Variants in RFX3 observed in about 807,000 individuals in gnomAD.
The protein encoded by RFX3 is transcription factor RFX3.
A neutral mutation model predicts 98.6 loss-of-function variants in RFX3; 14 were observed. The observed-to-expected ratio is 0.14, with a 90% CI of 0.09 to 0.22. The LOEUF (loss-of-function observed/expected upper bound fraction) is 0.22, where lower values mean the gene tolerates loss of function less well. Among genes scored for constraint, RFX3 ranks in the 10% least tolerant of loss-of-function variants. The pLI is 1.00. For missense variants in RFX3, 639 were observed against 926.9 expected (o/e 0.69, Z 4.03); for synonymous variants, 383 against 328.4 (o/e 1.17, Z -1.80).
intron 1 of RFX3, among the ~76,000 whole-genome samples, chr9:3,414,965 T>C (rs569426699): frequency 5.9e-5 from 8 of 135,578 alleles, no homozygotes; most frequent in African/African-American, 1.6e-4. Context: ...TGTGTATATA[T>C]TCATATATAC....
At chr9:3,370,322 G>A (rs1213656536) in intron 2 of RFX3, among the ~76,000 whole-genome samples, 1 of 151,664 alleles carries the variant, frequency 6.6e-6, no homozygotes, top group Non-Finnish European at 1.5e-5. Context: ...AAAGTAAGTA[G>A]TTTTGGAAAT....
At chr9:3,292,376 A>G (rs1364992189) in intron 6 of RFX3, among the ~76,000 whole-genome samples, 1 of 152,160 alleles carries the variant, frequency 6.6e-6, no homozygotes, top group Non-Finnish European at 1.5e-5. Flanking sequence ...TTTCCAAAGG[A>G]AGAAAAACCA....
At chr9:3,395,365 C>T in intron 2 of RFX3, 107 bp downstream of exon 2, 1 of 1,276,700 alleles carries the variant, frequency 7.8e-7, no homozygotes, top group African/African-American at 1.5e-5. Context: ...TGAAGTATGC[C>T]TATCATAGCA....
At chr9:3,238,900 G>A (rs572624603) in intron 15 of RFX3, among the ~76,000 whole-genome samples, 2 of 152,014 alleles carry the variant, frequency 1.3e-5, no homozygotes, top group Non-Finnish European at 2.9e-5. Context: ...GGCTGAGGCA[G>A]GAGAATCGCT....
At chr9:3,445,311 A>G (rs1845952143) in intron 1 of RFX3, among the ~76,000 whole-genome samples, 1 of 152,208 alleles carries the variant, frequency 6.6e-6, no homozygotes, top group African/African-American at 2.4e-5. Context: ...TTAAGAGTTC[A>G]ATGCATAATA....
At chr9:3,485,308 A>G (rs527955478) in intron 1 of RFX3, among the ~76,000 whole-genome samples, 1 of 152,202 alleles carries the variant, frequency 6.6e-6, no homozygotes, top group Non-Finnish European at 1.5e-5. Context: ...TTACTTCTGA[A>G]GCACTATTCT....
At chr9:3,506,422 G>C (rs1320570753) in intron 1 of RFX3, among the ~76,000 whole-genome samples, 1 of 151,674 alleles carries the variant, frequency 6.6e-6, no homozygotes, top group Non-Finnish European at 1.5e-5. Flanking sequence ...CATCCCAGCA[G>C]GCACAGTAAA....
intron 6 of RFX3, among the ~76,000 whole-genome samples, chr9:3,291,448 G>C (rs1000784242): frequency 2.0e-5 from 3 of 151,782 alleles, no homozygotes; most frequent in African/African-American, 7.3e-5. Context: ...ACCTTGCTGA[G>C]TTTCCCCCAG....
At position 3,330,322 on chromosome 9, in the gene RFX3, G is replaced by A. The variant is rs376312672; in HGVS notation, c.411C>T (p.Ile137=). 1.1e-5 allele frequency: 17 copies of A among 1,613,982 alleles called. No individual in the cohort carries two copies. The highest frequency in any genetic ancestry group is 4.5e-5 in the East Asian group (2 of 44,880). Residue 137 remains isoleucine, a synonymous_variant, in exon 4 of 17, where the codon ATC becomes ATT. Transcript: ENST00000617270. ...LISSSGGTYL[I]GNSMENSGHS... Reference sequence around the variant, plus strand: ...GACCAGAATTCTCCATTGAGTTGCCGATCAGATAGGTTCCTCCAGAGCTGC... The same window carrying A: ...GACCAGAATTCTCCATTGAGTTGCCAATCAGATAGGTTCCTCCAGAGCTGC...
intron 1 of RFX3, among the ~76,000 whole-genome samples, chr9:3,473,360 A>C (rs4008948): frequency 0.32 from 48,845 of 152,032 alleles, 11,900 homozygotes; most frequent in East Asian, 0.71. Flanking sequence ...ACAATACTGA[A>C]CTGAGAGATC....
chr9:3,446,877 T>G (rs1051116148), intron 1 of RFX3, among the ~76,000 whole-genome samples: 1 of 152,046 alleles, frequency 6.6e-6, no homozygotes, highest in Non-Finnish European at 1.5e-5. Context: ...TAGAACTAAT[T>G]CTTTTTAAAA....
intron 4 of RFX3, among the ~76,000 whole-genome samples, chr9:3,326,189 T>G (rs1831894886): frequency 6.6e-6 from 1 of 152,072 alleles, no homozygotes; most frequent in Non-Finnish European, 1.5e-5. Context: ...TATATATAAT[T>G]ATACACACAT....
At chr9:3,513,100 T>C (rs976416608) in intron 1 of RFX3, among the ~76,000 whole-genome samples, 1 of 152,088 alleles carries the variant, frequency 6.6e-6, no homozygotes, top group Non-Finnish European at 1.5e-5. Flanking sequence ...TTAACCAAAA[T>C]AGTACTGCAC....
chr9:3,386,704 T>C (rs1206091466), intron 2 of RFX3, among the ~76,000 whole-genome samples: 1 of 152,114 alleles, frequency 6.6e-6, no homozygotes, highest in Non-Finnish European at 1.5e-5. Flanking sequence ...TAGAAAATAA[T>C]GTTGGATTTA....
chr9:3,262,417 T>C lies in RFX3; in HGVS notation c.1605+518A>G, dbSNP rs561721425. On this transcript the variant is annotated intron_variant, in intron 13 of 16. Coordinates refer to ENST00000617270, the MANE Select transcript of RFX3 (RefSeq NM_001282116.2). ...TTGCATATAATTCTTTTCAAGTGAATAAATATTTACTAGGCAGCTATAGTA... is the reference window on the plus strand; with the variant it reads ...TTGCATATAATTCTTTTCAAGTGAACAAATATTTACTAGGCAGCTATAGTA... 3.3e-5 allele frequency among the ~76,000 whole-genome samples: 5 copies of C among 152,328 alleles called. No individual in the cohort carries two copies. The East Asian group carries it at 9.6e-4, about 29-fold the overall frequency.
intron 1 of RFX3, among the ~76,000 whole-genome samples, chr9:3,505,530 AG>A (rs1288882757): frequency 7.7e-5 from 11 of 143,216 alleles, no homozygotes; most frequent in African/African-American, 2.6e-4. Flanking sequence ...AAATGATAAA[AG>A]GGGGTAAAGA....
rs200401657 is a variant in RFX3 at position 3,457,756 on chromosome 9, C to CCA, written c.-8-62162_-8-62161dup. 1.1e-4 allele frequency among the ~76,000 whole-genome samples: 17 copies of CCA among 152,156 alleles called. No homozygotes were observed. The East Asian group carries it at 3.3e-3, about 29-fold the overall frequency. Reference sequence around the variant, plus strand: ...ATATGGTATTTCACTTTAAGGAACTCCACACACTTCATTCATTCAATGAAT... The same window carrying CCA: ...ATATGGTATTTCACTTTAAGGAACTCCACACACACTTCATTCATTCAATGAAT... On this transcript the variant is annotated intron_variant, in intron 1 of 16. Transcript: ENST00000617270.
At chr9:3,240,584 T>C (rs1002637101) in intron 15 of RFX3, among the ~76,000 whole-genome samples, 2 of 152,208 alleles carry the variant, frequency 1.3e-5, no homozygotes, top group Non-Finnish European at 2.9e-5. Flanking sequence ...TTTGAAGTGC[T>C]TGTATTATCA....
At chr9:3,418,768 T>C (rs1017316764) in intron 1 of RFX3, among the ~76,000 whole-genome samples, 2 of 152,180 alleles carry the variant, frequency 1.3e-5, no homozygotes, top group Non-Finnish European at 2.9e-5. Context: ...CATAGAAAAA[T>C]AAGTTGCTTA....
Sources: allele counts gnomAD v4.1 joint callset (sites outside exome capture counted in the v4.1 genomes callset), GRCh38; gene constraint gnomAD v4.1.1; transcripts MANE v1.5; gene names NCBI Gene and HGNC (gene_info 2026-07-23, HGNC 2026-07-21).